Variants in ZMYND10 observed in about 807,000 individuals in gnomAD.
ZMYND10 encodes the protein zinc finger MYND domain-containing protein 10.
In ZMYND10, 52 loss-of-function variants were observed where a neutral mutation model predicts 62.6. That is an observed-to-expected ratio of 0.83 (90% CI 0.67 to 1.05). The LOEUF is 1.05. Among genes scored for constraint, ZMYND10 ranks in the 50% least tolerant of loss-of-function variants. The pLI is 0.00. For synonymous variants in ZMYND10, 197 were observed against 218.5 expected, an observed-to-expected ratio of 0.90 and a Z score of 0.87; for missense variants, 438 against 543.3, an observed-to-expected ratio of 0.81 and a Z score of 1.93.
At chr3:50,344,542 C>G (rs1703483975) in intron 2 of ZMYND10, among the ~76,000 whole-genome samples, 1 of 151,520 alleles carries the variant, frequency 6.6e-6, no homozygotes, top group Non-Finnish European at 1.5e-5. Flanking sequence ...TGGCCTTGAA[C>G]TCCTGACCTC....
At chr3:50,342,869 T>C in intron 7 of ZMYND10, 49 bp downstream of exon 7, 1 of 1,595,380 alleles carries the variant, frequency 6.3e-7, no homozygotes, top group South Asian at 1.1e-5. Flanking sequence ...ATCAAAAAGA[T>C]ACCCTGAAGC....
chr3:50,342,194 A>G (rs2109356156), intron 8 of ZMYND10, 54 bp from the exon 9 acceptor site: 1 of 1,590,236 alleles, frequency 6.3e-7, no homozygotes, highest in East Asian at 2.2e-5. Context: ...CCAGGGGGCC[A>G]AGGAAAAGGA....
At chr3:50,342,355 G>A in intron 8 of ZMYND10, 42 bp downstream of exon 8, 1 of 1,555,086 alleles carries the variant, frequency 6.4e-7, no homozygotes, top group Non-Finnish European at 8.7e-7. Flanking sequence ...GATGGGGAGG[G>A]CGGTACTGGG....
At position 50,342,973 on chromosome 3, in the gene ZMYND10, C is replaced by T. The variant is rs1382517890; in HGVS notation, c.645G>A (p.Leu215=). 2 of 1,614,110 alleles carry T rather than the reference C, an allele frequency of 1.2e-6. No individual in the cohort carries two copies. Among genetic ancestry groups the T allele is most frequent in the Admixed American group, 3.3e-5 (2 of 60,014 alleles). ...CCAGCAGTTCCACCAGGAGGCAGGG[C>T]AGGTTGTGTGTGCTAAGCATACGGC... ...TLSRMLSTHN[L]PCLLVELLEH... is the part of the protein sequence containing the mutation. Residue 215 remains leucine (L), a synonymous_variant, in exon 7 of 12, where the codon CTG becomes CTA. Coordinates refer to ENST00000231749, the MANE Select transcript of ZMYND10 (RefSeq NM_015896.4).
rs1310357601 is a variant in ZMYND10 at position 50,341,643 on chromosome 3, CG to C, written c.1177del (p.Arg393AlafsTer54). 1.9e-6 allele frequency: 3 copies of C among 1,614,142 alleles called. No homozygotes were observed. The highest frequency in any genetic ancestry group is 2.5e-6 in the Non-Finnish European group (3 of 1,180,060). ...VLEAVAPERP[R>X]CAYCSAEASK... ...AGCCTCTGCACTGCAGTAAGCACAG[CG>C]GGGCCGCTCTGGAGCCACTGCCTCT... On this transcript the variant is annotated frameshift_variant, in exon 11 of 12. Transcript: ENST00000231749. LOFTEE classifies it high-confidence loss of function.
rs774981800 is a variant in ZMYND10, at chr3:50,345,617, G to T, written c.-38C>A. On this transcript the variant is annotated 5_prime_UTR_variant, in exon 1 of 12. Coordinates refer to ENST00000231749, the MANE Select transcript of ZMYND10 (RefSeq NM_015896.4). This position sits in a 1 kb window ranked among gnomAD's most constrained non-coding sequence, Gnocchi z 5.0. ...GTCCGGCGGATCCTGGGCAGCAGCC[G>T]GGGTGGGGATGCTGTCACATTCGGG... 6 of 1,552,744 alleles carry T rather than the reference G, an allele frequency of 3.9e-6. 1 individual carries two copies. In the South Asian group the frequency reaches 7.1e-5, roughly 18 times the overall value.
Position 50,342,144 on chromosome 3 carries a change from C to T in ZMYND10, c.874-4G>A. ...TGTCTGTGAGGAAGGCCCGAAGCTGCAAGGGTGTCCAGTGGAGGCCAGTGT... is the reference window on the plus strand; with the variant it reads ...TGTCTGTGAGGAAGGCCCGAAGCTGTAAGGGTGTCCAGTGGAGGCCAGTGT... On this transcript the variant is annotated splice_polypyrimidine_tract_variant and splice_region_variant and intron_variant, in intron 8 of 11. Transcript: ENST00000231749. The T allele has an allele frequency of 3.7e-6, 6 of 1,608,522 alleles. No homozygotes were observed. The highest frequency in any genetic ancestry group is 2.5e-6 in the Non-Finnish European group (3 of 1,177,556).
Position 50,342,118 on chromosome 3 carries a change from G to A in ZMYND10, c.896C>T (p.Thr299Ile), listed in dbSNP as rs906293582. 15 of 1,612,330 alleles carry A rather than the reference G, an allele frequency of 9.3e-6. No homozygotes were observed. The highest frequency in any genetic ancestry group is 1.7e-5 in the Admixed American group (1 of 59,532). Residue 299 changes from threonine (T) to isoleucine (I), a missense_variant, in exon 9 of 12, where the codon ACA becomes ATA. Physicochemically the swap from Thr to Ile is moderately conservative, Grantham distance 89. Transcript: ENST00000231749. Reference sequence around the variant, plus strand: ...CAGGTTGGGCAGCTGGTCCAGCAGTGTGTCTGTGAGGAAGGCCCGAAGCTG... The same window carrying A: ...CAGGTTGGGCAGCTGGTCCAGCAGTATGTCTGTGAGGAAGGCCCGAAGCTG... ...LLKLRAFLTD[T>I]LLDQLPNLAH...
Position 50,341,730 on chromosome 3 carries a change from C to T in ZMYND10, c.1122-31G>A, listed in dbSNP as rs778977777. 2.1e-5 allele frequency: 34 copies of T among 1,612,844 alleles called. No homozygotes were observed. The South Asian group carries it at 3.2e-4, about 15-fold the overall frequency. On this transcript the variant is annotated intron_variant, in intron 10 of 11. Coordinates refer to ENST00000231749, the MANE Select transcript of ZMYND10 (RefSeq NM_015896.4). ...GGAAAGTCAGGAAGGTCTGACTGGC[C>T]CTGGAAGGTGGGGGCACCCCACCCA...
At position 50,345,059 on chromosome 3, in the gene ZMYND10, T is replaced by C; in HGVS notation, c.201+65A>G. 1 of 1,428,060 alleles carries C rather than the reference T, an allele frequency of 7.0e-7. No individual in the cohort carries two copies. Among genetic ancestry groups the C allele is most frequent in the Non-Finnish European group, 9.8e-7 (1 of 1,023,964 alleles). The allele number at this position is 1,428,060 out of a possible 1,614,324, so 88.5% of individuals were successfully genotyped here. On this transcript the variant is annotated intron_variant, in intron 2 of 11. Coordinates refer to ENST00000231749, the MANE Select transcript of ZMYND10 (RefSeq NM_015896.4). The surrounding 1 kb of genome is among the most constrained non-coding windows in gnomAD (Gnocchi z 5.0). ...CAGAGGGGAAGGGCACACAGGGGAC[T>C]CCGGAGGGGTAGAGTAGGTGAGGTA...
intron 2 of ZMYND10, among the ~76,000 whole-genome samples, chr3:50,344,315 CTTTTTTTTT>C (rs71080585): frequency 7.8e-6 from 1 of 128,694 alleles, no homozygotes; most frequent in Non-Finnish European, 1.7e-5. Flanking sequence ...AAGGACCTTT[CTTTTTTTTT>C]TTTTTTTTTT....
rs927833122 is a variant in ZMYND10 at position 50,342,454 on chromosome 3, G to A, written c.816C>T (p.Ser272=). ...VWIALYNLLL[S]PEAQARYCLT... is the part of the protein sequence containing the mutation. Reference sequence around the variant, plus strand: ...GGCAGTAGCGCGCCTGAGCCTCAGGGCTTAGCAGCAGGTTGTACAGGGCGA... The same window carrying A: ...GGCAGTAGCGCGCCTGAGCCTCAGGACTTAGCAGCAGGTTGTACAGGGCGA... Residue 272 remains serine (S), a synonymous_variant, in exon 8 of 12, where the codon AGC becomes AGT. Coordinates refer to ENST00000231749, the MANE Select transcript of ZMYND10 (RefSeq NM_015896.4). The A allele has an allele frequency of 6.2e-7, 1 of 1,611,826 alleles. No individual in the cohort carries two copies.
At chr3:50,344,311 C>T (rs1703476767) in intron 2 of ZMYND10, among the ~76,000 whole-genome samples, 1 of 145,344 alleles carries the variant, frequency 6.9e-6, no homozygotes, top group South Asian at 2.1e-4. Flanking sequence ...TGCAAAGGAC[C>T]TTTCTTTTTT....
Position 50,342,976 on chromosome 3 carries a change from G to A in ZMYND10, c.642C>T (p.Asn214=), listed in dbSNP as rs142986886. 2 of 1,614,160 alleles carry A rather than the reference G, an allele frequency of 1.2e-6. No homozygotes were observed. The highest frequency in any genetic ancestry group is 2.2e-5 in the South Asian group (2 of 91,088). The change falls in exon 7 of 12, where the codon AAC becomes AAT. Residue 214 remains asparagine (N), a synonymous_variant. Coordinates refer to ENST00000231749, the MANE Select transcript of ZMYND10 (RefSeq NM_015896.4). ...STLSRMLSTH[N]LPCLLVELLE... is the part of the protein sequence containing the mutation. Reference sequence around the variant, plus strand: ...GCAGTTCCACCAGGAGGCAGGGCAGGTTGTGTGTGCTAAGCATACGGCTCA... The same window carrying A: ...GCAGTTCCACCAGGAGGCAGGGCAGATTGTGTGTGCTAAGCATACGGCTCA...
intron 2 of ZMYND10, among the ~76,000 whole-genome samples, chr3:50,344,210 G>C (rs2109359103): frequency 6.6e-6 from 1 of 152,024 alleles, no homozygotes; most frequent in East Asian, 1.9e-4. Flanking sequence ...GTCCTCCAAA[G>C]CTCTTGTGTG....
At position 50,341,903 on chromosome 3, in the gene ZMYND10, C is replaced by G. The variant is rs755967305; in HGVS notation, c.1028G>C (p.Arg343Pro). 1.2e-6 allele frequency: 2 copies of G among 1,614,060 alleles called. No individual in the cohort carries two copies. The highest frequency in any genetic ancestry group is 1.7e-6 in the Non-Finnish European group (2 of 1,180,034). ...QIPEIWERLERENRGKWQAIA... is the reference protein window; with the variant it reads ...QIPEIWERLEPENRGKWQAIA... The stretch of plus-strand genomic sequence containing the variant: ...TGCCTGCCACTTGCCTCTGTTTTCT[C>G]GCTCCAGCCGCTCCCAGATTTCTGG... The change falls in exon 10 of 12, where the codon CGA becomes CCA. Residue 343 changes from arginine to proline, a missense_variant. Arg to Pro is a moderately radical substitution (Grantham distance 103). Coordinates refer to ENST00000231749, the MANE Select transcript of ZMYND10 (RefSeq NM_015896.4).
Position 50,341,842 on chromosome 3 carries a change from G to C in ZMYND10, c.1089C>G (p.Pro363=), listed in dbSNP as rs772974636. The change falls in exon 10 of 12, where the codon CCC becomes CCG. Residue 363 remains proline (P), a synonymous_variant. Coordinates refer to ENST00000231749, the MANE Select transcript of ZMYND10 (RefSeq NM_015896.4). Reference sequence around the variant, plus strand: ...CCTGCAGCCGCAGGTCCTGCTCTGAGGGGCTGAACACATGCTGGAGCTGGT... The same window carrying C: ...CCTGCAGCCGCAGGTCCTGCTCTGACGGGCTGAACACATGCTGGAGCTGGT... ...AKHQLQHVFS[P]SEQDLRLQAR... The C allele has an allele frequency of 5.0e-6, 8 of 1,614,030 alleles. No individual in the cohort carries two copies. Among genetic ancestry groups the C allele is most frequent in the Non-Finnish European group, 5.1e-6 (6 of 1,180,060 alleles).
chr3:50,344,155 A>C, intron 2 of ZMYND10: 1 of 392,264 alleles, frequency 2.5e-6, no homozygotes, highest in Non-Finnish European at 4.8e-6. Flanking sequence ...CATCCCTTTC[A>C]AGCCAGCCCT....
Position 50,345,588 on chromosome 3 carries a change from C to T in ZMYND10, c.-9G>A. The T allele has an allele frequency of 6.4e-7, 1 of 1,564,988 alleles. No homozygotes were observed. The highest frequency in any genetic ancestry group is 8.7e-7 in the Non-Finnish European group (1 of 1,154,734). On this transcript the variant is annotated 5_prime_UTR_variant, in exon 1 of 12. Transcript: ENST00000231749. This position sits in a 1 kb window ranked among gnomAD's most constrained non-coding sequence, Gnocchi z 5.0. ...AGTTCCAGGTCTCCCATATCGAGGC[C>T]GGGGTCCGGCGGATCCTGGGCAGCA... is the stretch of plus-strand genomic sequence containing the variant.
Sources: allele counts gnomAD v4.1 joint callset (sites outside exome capture counted in the v4.1 genomes callset), GRCh38; gene constraint gnomAD v4.1.1; non-coding constraint Gnocchi (gnomAD v3.1); transcripts MANE v1.5; gene names NCBI Gene and HGNC (gene_info 2026-07-23, HGNC 2026-07-21).